Variants in DCDC1 observed in about 807,000 individuals in gnomAD.
The protein encoded by DCDC1 is doublecortin domain containing 1.
In DCDC1, 200 loss-of-function variants were observed where a neutral mutation model predicts 178.3. That is an observed-to-expected ratio of 1.12 (90% CI 1.00 to 1.26). The LOEUF (loss-of-function observed/expected upper bound fraction) is 1.26. DCDC1 is among the 50% of genes most tolerant of loss of function. The pLI, the probability that DCDC1 is intolerant of heterozygous loss-of-function variation, is 0.00. For synonymous variants in DCDC1, 690 were observed against 604.8 expected, an observed-to-expected ratio of 1.14 and a Z score of -2.07; for missense variants, 1,983 against 1,749.2, an observed-to-expected ratio of 1.13 and a Z score of -2.38.
rs556059114 is a variant in DCDC1, at chr11:31,019,762, C to T, written c.2591+44707G>A. On this transcript the variant is annotated intron_variant, in intron 20 of 38. Coordinates refer to ENST00000684477, the MANE Select transcript of DCDC1 (RefSeq NM_001387274.1). ...CTCCATGCTCAGCAGTATTGCTCTCCCTCTTGCTTTTCTGCTCCAGTCAAA... is the reference window on the plus strand; with the variant it reads ...CTCCATGCTCAGCAGTATTGCTCTCTCTCTTGCTTTTCTGCTCCAGTCAAA... 1.4e-4 allele frequency among the ~76,000 whole-genome samples: 21 copies of T among 152,172 alleles called. No individual in the cohort carries two copies. In the South Asian group the frequency reaches 4.1e-3, roughly 30 times the overall value.
At chr11:31,268,587 G>A (rs1424620791) in intron 7 of DCDC1, among the ~76,000 whole-genome samples, 1 of 152,168 alleles carries the variant, frequency 6.6e-6, no homozygotes, top group African/African-American at 2.4e-5. Flanking sequence ...GTATTCCATG[G>A]TGCATATGTA....
intron 37 of DCDC1, among the ~76,000 whole-genome samples, 170 bp downstream of exon 37, chr11:30,880,988 C>A (rs537218001): frequency 6.6e-6 from 1 of 152,074 alleles, no homozygotes; most frequent in Admixed American, 6.6e-5. Flanking sequence ...AGTGTTAACA[C>A]GAGGTTCCAG....
intron 20 of DCDC1, among the ~76,000 whole-genome samples, chr11:31,008,804 G>A (rs753276923): frequency 2.6e-5 from 4 of 152,010 alleles, no homozygotes; most frequent in Non-Finnish European, 5.9e-5. Context: ...TTTTAAACTG[G>A]CAAGAGCAAA....
chr11:31,225,907 C>A (rs1974888662), intron 9 of DCDC1, among the ~76,000 whole-genome samples: 2 of 151,594 alleles, frequency 1.3e-5, no homozygotes, highest in South Asian at 4.2e-4. Flanking sequence ...TATAGGAGAA[C>A]AGGAAACACA....
chr11:30,986,843 T>C (rs1950677426), intron 20 of DCDC1, among the ~76,000 whole-genome samples: 1 of 152,050 alleles, frequency 6.6e-6, no homozygotes, highest in South Asian at 2.1e-4. Context: ...CCAAATATAA[T>C]AGAGTAAACA....
At chr11:31,213,791 G>C (rs1190979308) in intron 9 of DCDC1, among the ~76,000 whole-genome samples, 1 of 151,560 alleles carries the variant, frequency 6.6e-6, no homozygotes, top group Non-Finnish European at 1.5e-5. Flanking sequence ...TGACATAGTA[G>C]ATAATAAAAC....
Position 30,920,713 on chromosome 11 carries a change from C to A in DCDC1, c.3293+63G>T, listed in dbSNP as rs1330189810. 4 of 1,578,570 alleles carry A rather than the reference C, an allele frequency of 2.5e-6. No homozygotes were observed. In the Admixed American group the frequency reaches 7.0e-5, roughly 28 times the overall value. ...CCCTGCATGGGCTCTGTGCTGTTAT[C>A]GGGCTAATGAGCTGAGTTCAAAAAG... On this transcript the variant is annotated intron_variant, in intron 25 of 38. Coordinates refer to ENST00000684477, the MANE Select transcript of DCDC1 (RefSeq NM_001387274.1).
At position 31,246,471 on chromosome 11, in the gene DCDC1, T is replaced by C. The variant is rs113971650; in HGVS notation, c.1055-4855A>G. Among the ~76,000 whole-genome samples the C allele has an allele frequency of 8.3e-3, 1,255 of 152,078 alleles. 22 individuals are homozygous for C. Among genetic ancestry groups the C allele is most frequent in the African/African-American group, 0.029 (1,200 of 41,524 alleles). On this transcript the variant is annotated intron_variant, in intron 8 of 38. Coordinates refer to ENST00000684477, the MANE Select transcript of DCDC1 (RefSeq NM_001387274.1). ...CAATTCAACCTATTCAATTGGCTTT[T>C]TTTTTTTTAAATGAAGTTGACCTAA...
intron 6 of DCDC1, 135 bp from the exon 7 acceptor site, chr11:31,290,987 C>T (rs1210594419): frequency 1.1e-5 from 8 of 761,452 alleles, no homozygotes; most frequent in Non-Finnish European, 1.2e-5. Context: ...TTCTGAAATG[C>T]TACCACCAGT....
intron 8 of DCDC1, among the ~76,000 whole-genome samples, chr11:31,257,474 T>C (rs1944486173): frequency 6.6e-6 from 1 of 152,010 alleles, no homozygotes; most frequent in African/African-American, 2.4e-5. Context: ...AGAAACTATT[T>C]GAAGAAAGTA....
chr11:30,907,465 T>C (rs972362945), intron 29 of DCDC1, among the ~76,000 whole-genome samples: 1 of 152,164 alleles, frequency 6.6e-6, no homozygotes, highest in Non-Finnish European at 1.5e-5. Context: ...GGAAAGGCCA[T>C]GTGACTTGCT....
intron 9 of DCDC1, among the ~76,000 whole-genome samples, chr11:31,185,714 G>A (rs892984581): frequency 1.2e-4 from 18 of 152,186 alleles, no homozygotes; most frequent in African/African-American, 4.3e-4. Context: ...AGTTTTGTTT[G>A]TTGTCAAAGG....
At chr11:30,888,158 GAAA>G (rs1565030527) in intron 36 of DCDC1, among the ~76,000 whole-genome samples, 30 of 136,842 alleles carry the variant, frequency 2.2e-4, no homozygotes, top group South Asian at 4.5e-4. Flanking sequence ...AAGAAAGAAA[GAAA>G]GGGAAAGAAA....
At chr11:31,356,614 CA>C (rs1951382693) in intron 1 of DCDC1, among the ~76,000 whole-genome samples, 1 of 150,104 alleles carries the variant, frequency 6.7e-6, no homozygotes, top group Non-Finnish European at 1.5e-5. Flanking sequence ...AATAGAGACA[CA>C]AAAAACCCTT....
intron 15 of DCDC1, among the ~76,000 whole-genome samples, chr11:31,096,967 G>GT (rs1958202546): frequency 6.6e-6 from 1 of 152,172 alleles, no homozygotes; most frequent in South Asian, 2.1e-4. Flanking sequence ...GCGCATATGT[G>GT]TTTAAGAACA....
intron 9 of DCDC1, among the ~76,000 whole-genome samples, chr11:31,231,142 T>G (rs1565471990): frequency 6.6e-6 from 1 of 152,028 alleles, no homozygotes; most frequent in East Asian, 1.9e-4. Context: ...TTTTTTATTT[T>G]TGTAGAGATG....
chr11:31,136,302 C>T (rs1049695222), intron 10 of DCDC1, among the ~76,000 whole-genome samples: 3 of 152,174 alleles, frequency 2.0e-5, no homozygotes, highest in East Asian at 3.9e-4. Flanking sequence ...TGAGTCAGAA[C>T]TATAATTTAA....
intron 9 of DCDC1, among the ~76,000 whole-genome samples, chr11:31,150,187 A>G (rs1050950741): frequency 6.6e-6 from 1 of 152,212 alleles, no homozygotes; most frequent in African/African-American, 2.4e-5. Context: ...ACTTCTAAAA[A>G]TTTGTCAACA....
chr11:31,362,617 TTAAC>T (rs1352465920), intron 1 of DCDC1, among the ~76,000 whole-genome samples: 5 of 152,148 alleles, frequency 3.3e-5, no homozygotes, highest in African/African-American at 4.8e-5. Context: ...GTCTGTTACT[TTAAC>T]TATCTATCAC....
Sources: gnomAD v4.1 joint callset for allele counts (sites outside exome capture counted in the v4.1 genomes callset) on GRCh38, gnomAD v4.1.1 for gene constraint, MANE v1.5 for transcripts, NCBI Gene and HGNC (gene_info 2026-07-23, HGNC 2026-07-21) for gene names.